TUBB8: variants seen among roughly 807,000 people sequenced by gnomAD.
TUBB8 encodes tubulin beta 8 class VIII, also known as tubulin beta-8 chain.
A neutral mutation model predicts 33.7 loss-of-function variants in TUBB8; 25 were observed. The observed-to-expected ratio is 0.74, with a 90% CI of 0.54 to 1.04. TUBB8 has a LOEUF of 1.04. Among genes scored for constraint, TUBB8 ranks in the 50% least tolerant of loss-of-function variants. The pLI, the probability that TUBB8 is intolerant of heterozygous loss-of-function variation, is 0.00. For synonymous variants in TUBB8, 245 were observed against 240.1 expected (o/e 1.02, Z -0.19); for missense variants, 279 against 608.0 (o/e 0.46, Z 5.69).
intron 1 of TUBB8, among the ~76,000 whole-genome samples, chr10:61,327 G>T (rs1834599113): frequency 6.6e-6 from 1 of 152,114 alleles, no homozygotes; most frequent in Non-Finnish European, 1.5e-5. Context: ...TTTGTTTCAA[G>T]AAATTTTTCC....
At chr10:55,295 A>G (rs1367139947) in intron 1 of TUBB8, among the ~76,000 whole-genome samples, 1 of 152,218 alleles carries the variant, frequency 6.6e-6, no homozygotes, top group African/African-American at 2.4e-5. Flanking sequence ...CCATGATCCA[A>G]TCACCTTCTA....
intron 1 of TUBB8, among the ~76,000 whole-genome samples, chr10:68,955 G>T (rs1194939078): frequency 2.7e-5 from 4 of 147,652 alleles, no homozygotes; most frequent in African/African-American, 1.0e-4. Flanking sequence ...GGTCTGCCCC[G>T]TGTTTCCTCC....
upstream of TUBB8, among the ~76,000 whole-genome samples, chr10:53,980 A>G (rs1356937602): frequency 1.3e-5 from 2 of 151,968 alleles, no homozygotes; most frequent in Admixed American, 6.5e-5. Context: ...GCATGCAATC[A>G]GTAATACACA....
rs782657768 is a variant in TUBB8, at chr10:49,228, A to G, written c.11T>C (p.Ile4Thr). ...GCACTGCCCGATCTGCGTGAGCACG[A>G]TCTCCCTCATGGCCAAGGCGGGATT... MRE[I>T]VLTQIGQCGN... The change falls in exon 1 of 4, where the codon ATC (isoleucine) becomes ACC (threonine). Residue 4 changes from isoleucine to threonine, a missense_variant. Physicochemically the swap from Ile to Thr is moderately conservative, Grantham distance 89. Coordinates refer to ENST00000568584, the MANE Select transcript of TUBB8 (RefSeq NM_177987.3). 2 of 1,585,458 alleles carry G rather than the reference A, an allele frequency of 1.3e-6. No individual in the cohort carries two copies. Among genetic ancestry groups the G allele is most frequent in the Non-Finnish European group, 1.7e-6 (2 of 1,166,518 alleles).
chr10:60,926 G>A (rs1232462758), intron 1 of TUBB8, among the ~76,000 whole-genome samples: 1 of 151,982 alleles, frequency 6.6e-6, no homozygotes, highest in Non-Finnish European at 1.5e-5. Flanking sequence ...GTACTTTATA[G>A]GGACATGGAT....
At chr10:64,594 C>T (rs1199217673) in intron 1 of TUBB8, among the ~76,000 whole-genome samples, 1 of 152,150 alleles carries the variant, frequency 6.6e-6, no homozygotes, top group Non-Finnish European at 1.5e-5. Flanking sequence ...CTAAATCAAA[C>T]TCTAAGCAAA....
At chr10:75,320 G>C (rs551541114), upstream of TUBB8, among the ~76,000 whole-genome samples, 1 of 152,008 alleles carries the variant, frequency 6.6e-6, no homozygotes, top group African/African-American at 2.4e-5. Context: ...CTGCACTCCA[G>C]CCTGGGTGAC....
At chr10:70,563 A>G (rs1554742188) in intron 1 of TUBB8, among the ~76,000 whole-genome samples, 1 of 152,224 alleles carries the variant, frequency 6.6e-6, no homozygotes, top group Non-Finnish European at 1.5e-5. Flanking sequence ...AAATAAGAGA[A>G]ACTTATTGGC....
chr10:63,816 G>A (rs180973186), intron 1 of TUBB8, among the ~76,000 whole-genome samples: 3 of 152,210 alleles, frequency 2.0e-5, no homozygotes, highest in Non-Finnish European at 2.9e-5. Context: ...GTTTGGTGAG[G>A]TCATGTTTTC....
At chr10:49,077 G>A (rs1834423702) in intron 1 of TUBB8, 105 bp downstream of exon 1, 2 of 1,376,598 alleles carry the variant, frequency 1.5e-6, no homozygotes, top group Non-Finnish European at 9.9e-7. Context: ...TCCCCGGCAG[G>A]GAGCCCAGGG....
At chr10:66,546 G>T (rs1834673101) in intron 1 of TUBB8, among the ~76,000 whole-genome samples, 1 of 152,226 alleles carries the variant, frequency 6.6e-6, no homozygotes, top group African/African-American at 2.4e-5. Context: ...TTACTCGGGT[G>T]ACAGAGGAGG....
At position 47,383 on chromosome 10, in the gene TUBB8, T is replaced by C; in HGVS notation, c.1009A>G (p.Asn337Asp). 1 of 1,612,788 alleles carries C rather than the reference T, an allele frequency of 6.2e-7. No individual in the cohort carries two copies. The highest frequency in any genetic ancestry group is 2.2e-5 in the East Asian group (1 of 44,886). Residue 337 changes from asparagine to aspartate, a missense_variant, in exon 4 of 4, where the codon AAC becomes GAC. Around this residue, in one of 4 missense-constraint regions of TUBB8, gnomAD observed 123 missense variants for 228.9 expected, o/e 0.54. Coordinates refer to ENST00000568584, the MANE Select transcript of TUBB8 (RefSeq NM_177987.3). ...AGCCAGTCAGCAAAGTAACTGCTGT[T>C]CTTATCTTGAATGTTGAACATTTGT... is the stretch of plus-strand genomic sequence containing the variant. The part of the protein sequence containing the change: ...DEQMFNIQDK[N>D]SSYFADWLPN...
intron 1 of TUBB8, among the ~76,000 whole-genome samples, chr10:58,483 T>A (rs1392237347): frequency 1.3e-5 from 2 of 152,224 alleles, no homozygotes; most frequent in African/African-American, 4.8e-5. Flanking sequence ...AAAGGAGGTT[T>A]AAGTGGCTCA....
At chr10:50,911 TC>T (rs1554739498), upstream of TUBB8, among the ~76,000 whole-genome samples, 2 of 152,188 alleles carry the variant, frequency 1.3e-5, no homozygotes, top group Non-Finnish European at 2.9e-5. Flanking sequence ...CTTGGGATGG[TC>T]CAGGGAATCA....
At chr10:76,264 C>T (rs1489184734), upstream of TUBB8, among the ~76,000 whole-genome samples, 1 of 152,106 alleles carries the variant, frequency 6.6e-6, no homozygotes, top group Non-Finnish European at 1.5e-5. Flanking sequence ...CCACGTTCCT[C>T]CTCCTCTCCG....
upstream of TUBB8, among the ~76,000 whole-genome samples, chr10:76,613 G>T (rs1834817782): frequency 2.3e-5 from 3 of 130,960 alleles, no homozygotes; most frequent in Admixed American, 2.3e-4. Flanking sequence ...CGCCGCCGCC[G>T]TGCGGTTCGG....
chr10:72,254 TAAA>T (rs34999592), intron 1 of TUBB8, among the ~76,000 whole-genome samples: 1 of 125,246 alleles, frequency 8.0e-6, no homozygotes, highest in Admixed American at 8.1e-5. Flanking sequence ...TTTTTTTAAT[TAAA>T]AAAAAAAAAA....
rs376362332 is a variant in TUBB8 at position 47,522 on chromosome 10, G to T, written c.870C>A (p.Thr290=). Residue 290 remains threonine, a synonymous_variant, in exon 4 of 4, where the codon ACC becomes ACA. Transcript: ENST00000568584. ...TGTTCTTAGCATCAAACATCTGCTG[G>T]GTAAGCTCAGCCACAGTCAAGGCCC... ...QYRALTVAEL[T]QQMFDAKNMM... 6.2e-7 allele frequency: 1 copy of T among 1,612,156 alleles called. No homozygotes were observed. The highest frequency in any genetic ancestry group is 8.5e-7 in the Non-Finnish European group (1 of 1,180,030).
At chr10:51,967 G>C (rs1588274716), upstream of TUBB8, among the ~76,000 whole-genome samples, 1 of 152,180 alleles carries the variant, frequency 6.6e-6, no homozygotes, top group Non-Finnish European at 1.5e-5. Flanking sequence ...AAACGGAGGC[G>C]GTGAGCAGAA....
Sources: allele counts gnomAD v4.1 joint callset (sites outside exome capture counted in the v4.1 genomes callset), GRCh38; gene constraint gnomAD v4.1.1; regional missense constraint gnomAD v4.1.1; transcripts MANE v1.5; gene names NCBI Gene and HGNC (gene_info 2026-07-23, HGNC 2026-07-21).